Variants in FOXRED1 observed in about 807,000 individuals in gnomAD.
The protein encoded by FOXRED1 is FAD-dependent oxidoreductase domain-containing protein 1.
A neutral mutation model predicts 57.8 loss-of-function variants in FOXRED1; 52 were observed. The observed-to-expected ratio is 0.90, with a 90% confidence interval of 0.72 to 1.13. The LOEUF is 1.13. Ranked by LOEUF, FOXRED1 falls within the 50% of genes most tolerant of loss-of-function variation. The pLI is 0.00. For missense variants in FOXRED1, 589 were observed against 625.2 expected (o/e 0.94, Z 0.62); for synonymous variants, 271 against 248.3 (o/e 1.09, Z -0.86).
In FOXRED1 at chr11:126,275,238, C is replaced by T; in HGVS notation, c.632-89C>T. On this transcript the variant is annotated intron_variant, in intron 5 of 10. Transcript: ENST00000263578. The surrounding 1 kb of genome is among the most constrained non-coding windows in gnomAD (Gnocchi z 5.9). ...AAGATGACCTTCCCCGGCTTACAAG[C>T]CCTAGAGAGGGGTTGGGGGGCACAG... The T allele has an allele frequency of 1.9e-6, 2 of 1,031,804 alleles. No homozygotes were observed. Among genetic ancestry groups the T allele is most frequent in the East Asian group, 2.4e-5 (1 of 42,074 alleles). 63.9% of individuals were successfully genotyped at this position (1,031,804 alleles called of 1,614,324 possible).
chr11:126,273,548 A>G lies in FOXRED1; in HGVS notation c.536+94A>G, dbSNP rs886893949. The stretch of plus-strand genomic sequence containing the variant: ...AGGAAGCGAGAAAGTGGAGTTGATA[A>G]GACAGATCCCTGCGGTCTAGGACCT... On this transcript the variant is annotated intron_variant, in intron 4 of 10. Coordinates refer to ENST00000263578, the MANE Select transcript of FOXRED1 (RefSeq NM_017547.4). This position sits in a 1 kb window ranked among gnomAD's most constrained non-coding sequence, Gnocchi z 5.9. 3 of 852,422 alleles carry G rather than the reference A, an allele frequency of 3.5e-6. No homozygotes were observed. The highest frequency in any genetic ancestry group is 6.1e-6 in the Non-Finnish European group (3 of 492,532). 52.8% of individuals were successfully genotyped at this position (852,422 alleles called of 1,614,324 possible). A position where few individuals can be genotyped will look rare whatever the true frequency, so the allele number is the denominator to read the frequency against.
Position 126,276,461 on chromosome 11 carries a change from G to A in FOXRED1, c.1039G>A (p.Gly347Arg), listed in dbSNP as rs767490522. Residue 347 changes from glycine (G) to arginine (R), a missense_variant, in exon 9 of 11, where the codon GGA becomes AGA. Physicochemically the swap from Gly to Arg is moderately radical, Grantham distance 125. Coordinates refer to ENST00000263578, the MANE Select transcript of FOXRED1 (RefSeq NM_017547.4). ...LETPLVADTSGAYFRREGLGS... is the reference protein window; with the variant it reads ...LETPLVADTSRAYFRREGLGS... ...GACTCCGCTTGTTGCAGACACCAGT[G>A]GAGCCTATTTTCGCCGGGAAGGATT... The A allele has an allele frequency of 1.2e-6, 2 of 1,609,190 alleles. No individual in the cohort carries two copies. Among genetic ancestry groups the A allele is most frequent in the Non-Finnish European group, 1.7e-6 (2 of 1,178,044 alleles).
rs183651213 is a variant in FOXRED1, at chr11:126,271,145, A to G, written c.86-292A>G. The G allele has an allele frequency of 3.9e-4, 150 of 388,428 alleles. No individual in the cohort carries two copies. Among genetic ancestry groups the G allele is most frequent in the African/African-American group, 2.9e-3 (142 of 48,144 alleles). 24.1% of individuals were successfully genotyped at this position (388,428 alleles called of 1,614,324 possible). ...AGTGGGGATGACAGTGCAGTTGAAT[A>G]TGTGAGTTGGGATCAGGAGAGGTCT... On this transcript the variant is annotated intron_variant, in intron 1 of 10. Coordinates refer to ENST00000263578, the MANE Select transcript of FOXRED1 (RefSeq NM_017547.4). This position sits in a 1 kb window ranked among gnomAD's most constrained non-coding sequence, Gnocchi z 5.3.
At position 126,275,747 on chromosome 11, in the gene FOXRED1, T is replaced by C. The variant is rs745398904; in HGVS notation, c.734-47T>C. 13 of 1,273,260 alleles carry C rather than the reference T, an allele frequency of 1.0e-5. No individual in the cohort carries two copies. The East Asian group carries it at 2.5e-4, about 25-fold the overall frequency. The allele number at this position is 1,273,260 out of a possible 1,614,324, so 78.9% of individuals were successfully genotyped here. A position where few individuals can be genotyped will look rare whatever the true frequency, so the allele number is the denominator to read the frequency against. ...GAAACCAGTGAAATCCCCATTTCAT[T>C]CCTCTTCAGCACCTCTACGGCCTAT... On this transcript the variant is annotated intron_variant, in intron 6 of 10. Transcript: ENST00000263578. This position sits in a 1 kb window ranked among gnomAD's most constrained non-coding sequence, Gnocchi z 5.9.
intron 1 of FOXRED1, 48 bp downstream of exon 1, chr11:126,269,339 A>G (rs371930810): frequency 1.2e-5 from 20 of 1,613,424 alleles, no homozygotes; most frequent in Non-Finnish European, 1.6e-5. Context: ...GTTGTCCCCA[A>G]CCTCCGACTG....
chr11:126,275,217 T>A lies in FOXRED1; in HGVS notation c.632-110T>A. Reference sequence around the variant, plus strand: ...GTCTCTGTGGTTCAGTTGGTTAAGATGACCTTCCCCGGCTTACAAGCCCTA... The same window carrying A: ...GTCTCTGTGGTTCAGTTGGTTAAGAAGACCTTCCCCGGCTTACAAGCCCTA... On this transcript the variant is annotated intron_variant, in intron 5 of 10. Coordinates refer to ENST00000263578, the MANE Select transcript of FOXRED1 (RefSeq NM_017547.4). This position sits in a 1 kb window ranked among gnomAD's most constrained non-coding sequence, Gnocchi z 5.9. 2.2e-6 allele frequency: 2 copies of A among 921,504 alleles called. No homozygotes were observed. Among genetic ancestry groups the A allele is most frequent in the African/African-American group, 1.6e-5 (1 of 61,730 alleles). The allele number at this position is 921,504 out of a possible 1,614,324, so 57.1% of individuals were successfully genotyped here. A position where few individuals can be genotyped will look rare whatever the true frequency, so the allele number is the denominator to read the frequency against.
chr11:126,273,616 G>T lies in FOXRED1; in HGVS notation c.536+162G>T. ...AATACACAGACCTGCAATGCCCTGG[G>T]AGTGCTGTACCACAGATATGGACAA... On this transcript the variant is annotated intron_variant, in intron 4 of 10. Coordinates refer to ENST00000263578, the MANE Select transcript of FOXRED1 (RefSeq NM_017547.4). The surrounding 1 kb of genome is among the most constrained non-coding windows in gnomAD (Gnocchi z 5.9). The T allele has an allele frequency of 1.5e-6, 1 of 683,268 alleles. No individual in the cohort carries two copies. The highest frequency in any genetic ancestry group is 2.7e-5 in the East Asian group (1 of 36,872). The allele number at this position is 683,268 out of a possible 1,614,324, so 42.3% of individuals were successfully genotyped here.
At position 126,276,157 on chromosome 11, in the gene FOXRED1, T is replaced by C. The variant is rs768064354; in HGVS notation, c.909T>C (p.Gly303=). Residue 303 remains glycine (G), a synonymous_variant, in exon 8 of 11, where the codon GGT becomes GGC. Coordinates refer to ENST00000263578, the MANE Select transcript of FOXRED1 (RefSeq NM_017547.4). ...AWSAQIAALA[G]VGEGPPGTLQ... is the part of the protein sequence containing the mutation. ...CTGCGCAAATCGCAGCACTGGCTGG[T>C]GTTGGAGAGGGGCCGCCTGGCACCC... 1.9e-5 allele frequency: 30 copies of C among 1,610,296 alleles called. No individual in the cohort carries two copies. Among genetic ancestry groups the C allele is most frequent in the African/African-American group, 4.0e-5 (3 of 74,702 alleles).
chr11:126,276,624 T>C, intron 9 of FOXRED1, 101 bp downstream of exon 9: 3 of 1,377,284 alleles, frequency 2.2e-6, no homozygotes, highest in Non-Finnish European at 2.0e-6. Flanking sequence ...GCCTGTAATC[T>C]TGGCATTTTG....
rs765232737 is a variant in FOXRED1 at position 126,275,781 on chromosome 11, T to A, written c.734-13T>A. ...GCACCTCTACGGCCTATTTTTCATT[T>A]TCTTCTCTGCAGGTTTTGTCTCTTC... On this transcript the variant is annotated splice_polypyrimidine_tract_variant and intron_variant, in intron 6 of 10. Coordinates refer to ENST00000263578, the MANE Select transcript of FOXRED1 (RefSeq NM_017547.4). This position sits in a 1 kb window ranked among gnomAD's most constrained non-coding sequence, Gnocchi z 5.9. 1 of 1,594,668 alleles carries A rather than the reference T, an allele frequency of 6.3e-7. No individual in the cohort carries two copies. The highest frequency in any genetic ancestry group is 1.1e-5 in the South Asian group (1 of 90,672).
rs1342590148 is a variant in FOXRED1 at position 126,277,883 on chromosome 11, G to A, written c.*194G>A. On this transcript the variant is annotated 3_prime_UTR_variant, in exon 11 of 11. Transcript: ENST00000263578. The surrounding 1 kb of genome is among the most constrained non-coding windows in gnomAD (Gnocchi z 6.8). ...GAGGCCGAGGCCAATAGCGAGTGAT[G>A]AGCGGGATCCTAGGACTGATCTGTA... 4 of 705,216 alleles carry A rather than the reference G, an allele frequency of 5.7e-6. No homozygotes were observed. Among genetic ancestry groups the A allele is most frequent in the South Asian group, 4.5e-5 (3 of 67,104 alleles). 43.7% of individuals were successfully genotyped at this position (705,216 alleles called of 1,614,324 possible).
In FOXRED1 at chr11:126,274,772, C is replaced by A; in HGVS notation, c.537-155C>A. ...GAGCCTGACTAGGAGGCTTGGTCTT[C>A]AGCCGCTCAGCAATGAGGAAAAATA... On this transcript the variant is annotated intron_variant, in intron 4 of 10. Coordinates refer to ENST00000263578, the MANE Select transcript of FOXRED1 (RefSeq NM_017547.4). This position sits in a 1 kb window ranked among gnomAD's most constrained non-coding sequence, Gnocchi z 4.8. The A allele has an allele frequency of 1.4e-6, 1 of 695,934 alleles. No homozygotes were observed. Among genetic ancestry groups the A allele is most frequent in the Non-Finnish European group, 2.7e-6 (1 of 375,692 alleles). 43.1% of individuals were successfully genotyped at this position (695,934 alleles called of 1,614,324 possible).
At position 126,277,931 on chromosome 11, in the gene FOXRED1, A is replaced by G. The variant is rs1254799151; in HGVS notation, c.*242A>G. The G allele has an allele frequency of 1.5e-6, 1 of 663,586 alleles. No individual in the cohort carries two copies. Among genetic ancestry groups the G allele is most frequent in the Admixed American group, 2.1e-5 (1 of 48,620 alleles). The allele number at this position is 663,586 out of a possible 1,614,324, so 41.1% of individuals were successfully genotyped here. On this transcript the variant is annotated 3_prime_UTR_variant, in exon 11 of 11. Coordinates refer to ENST00000263578, the MANE Select transcript of FOXRED1 (RefSeq NM_017547.4). This position sits in a 1 kb window ranked among gnomAD's most constrained non-coding sequence, Gnocchi z 6.8. ...GTAGCCCATGCTGATGTCACCCACC[A>G]GGGCAATCCATCTGGAGGCCTGAGC...
In FOXRED1 at chr11:126,275,862, GA is replaced by G. The variant is rs755458223; in HGVS notation, c.804del (p.Val269SerfsTer3). 6 of 1,609,810 alleles carry G rather than the reference GA, an allele frequency of 3.7e-6. No individual in the cohort carries two copies. Among genetic ancestry groups the G allele is most frequent in the Non-Finnish European group, 5.1e-6 (6 of 1,176,176 alleles). On this transcript the variant is annotated frameshift_variant, in exon 7 of 11. Coordinates refer to ENST00000263578, the MANE Select transcript of FOXRED1 (RefSeq NM_017547.4). LOFTEE classifies it high-confidence loss of function. This position sits in a 1 kb window ranked among gnomAD's most constrained non-coding sequence, Gnocchi z 5.9. ...AGCGGTGGTCTTGAAAAGGATCCAT[GA>G]AGTCCATGTAAGTTTCTAGTCTGTG... is the stretch of plus-strand genomic sequence containing the variant. Reference protein sequence around the residue: ...DKAVVLKRIHEVHVKMDRSLE... With the variant: ...DKAVVLKRIHXVHVKMDRSLE...
At chr11:126,269,841 G>C (rs1950928335) in intron 1 of FOXRED1, among the ~76,000 whole-genome samples, 1 of 151,984 alleles carries the variant, frequency 6.6e-6, no homozygotes, top group Admixed American at 6.6e-5. Flanking sequence ...ACAAAAATTA[G>C]CTAGGTGTGG....
rs367707794 is a variant in FOXRED1 at position 126,275,521 on chromosome 11, GA to G, written c.733+96del. ...ACAAGCTAAGCAAGGGCTGGAGGGG[GA>G]AAGGGGTCTCCCTGAGAGCAGGTCC... is the stretch of plus-strand genomic sequence containing the variant. On this transcript the variant is annotated intron_variant, in intron 6 of 10. Transcript: ENST00000263578. The surrounding 1 kb of genome is among the most constrained non-coding windows in gnomAD (Gnocchi z 5.9). 9.0e-4 allele frequency: 852 copies of G among 951,262 alleles called. 2 individuals are homozygous for G. The African/African-American group carries it at 0.012, about 13-fold the overall frequency. 58.9% of individuals were successfully genotyped at this position (951,262 alleles called of 1,614,324 possible).
chr11:126,277,592 T>C lies in FOXRED1; in HGVS notation c.1364T>C (p.Met455Thr), dbSNP rs1019857837. The C allele has an allele frequency of 6.2e-7, 1 of 1,613,834 alleles. No homozygotes were observed. Among genetic ancestry groups the C allele is most frequent in the African/African-American group, 1.3e-5 (1 of 75,068 alleles). The change falls in exon 11 of 11, where the codon ATG (methionine) becomes ACG (threonine). Residue 455 changes from methionine to threonine, a missense_variant. Coordinates refer to ENST00000263578, the MANE Select transcript of FOXRED1 (RefSeq NM_017547.4). This position sits in a 1 kb window ranked among gnomAD's most constrained non-coding sequence, Gnocchi z 6.8. Reference sequence around the variant, plus strand: ...GGCATTGGGCGAGCTGTAGCAGAGATGGTACTGAAGGGCAGGTTCCAGACC... The same window carrying C: ...GGCATTGGGCGAGCTGTAGCAGAGACGGTACTGAAGGGCAGGTTCCAGACC... Reference protein sequence around the residue: ...APGIGRAVAEMVLKGRFQTID... With the variant: ...APGIGRAVAETVLKGRFQTID...
chr11:126,275,781 T>C lies in FOXRED1; in HGVS notation c.734-13T>C. ...GCACCTCTACGGCCTATTTTTCATT[T>C]TCTTCTCTGCAGGTTTTGTCTCTTC... On this transcript the variant is annotated splice_polypyrimidine_tract_variant and intron_variant, in intron 6 of 10. Transcript: ENST00000263578. This position sits in a 1 kb window ranked among gnomAD's most constrained non-coding sequence, Gnocchi z 5.9. 6.3e-7 allele frequency: 1 copy of C among 1,594,668 alleles called. No individual in the cohort carries two copies. Among genetic ancestry groups the C allele is most frequent in the Non-Finnish European group, 8.6e-7 (1 of 1,162,486 alleles).
chr11:126,277,236 T>A lies in FOXRED1; in HGVS notation c.1206+61T>A, dbSNP rs1012849262. 8.1e-7 allele frequency: 1 copy of A among 1,231,088 alleles called. No homozygotes were observed. The highest frequency in any genetic ancestry group is 1.9e-4 in the Middle Eastern group (1 of 5,298). 76.3% of individuals were successfully genotyped at this position (1,231,088 alleles called of 1,614,324 possible). A position where few individuals can be genotyped will look rare whatever the true frequency, so the allele number is the denominator to read the frequency against. On this transcript the variant is annotated intron_variant, in intron 10 of 10. Transcript: ENST00000263578. The surrounding 1 kb of genome is among the most constrained non-coding windows in gnomAD (Gnocchi z 6.8). ...GGACATTGGATGGGACAGATGACAG[T>A]GGAGCACATTGGTCCCCTCGGACCC...
Sources: gnomAD v4.1 joint callset for allele counts (sites outside exome capture counted in the v4.1 genomes callset) on GRCh38, gnomAD v4.1.1 for gene constraint, Gnocchi (gnomAD v3.1) non-coding constraint, MANE v1.5 for transcripts, NCBI Gene and HGNC (gene_info 2026-07-23, HGNC 2026-07-21) for gene names.